The following HS3ST4 variants were observed in gnomAD, a reference collection of about 807,000 sequenced individuals.
HS3ST4 encodes heparan sulfate glucosamine 3-O-sulfotransferase 4.
Under a neutral mutation model 29.2 loss-of-function variants are expected in HS3ST4, and 17 were observed. The observed-to-expected ratio is 0.58, with a 90% CI of 0.40 to 0.87. The LOEUF (loss-of-function observed/expected upper bound fraction) is 0.87. HS3ST4 is among the 40% of genes least tolerant of loss of function. The probability of loss-of-function intolerance (pLI) is 0.00; values close to 1 mark genes in which losing one functional copy is unlikely to be tolerated. For synonymous variants in HS3ST4, 314 were observed against 285.7 expected, an observed-to-expected ratio of 1.10 and a Z score of -1.00; for missense variants, 627 against 634.5, an observed-to-expected ratio of 0.99 and a Z score of 0.13.
At chr16:26,088,538 T>C (rs1353769008) in intron 1 of HS3ST4, among the ~76,000 whole-genome samples, 1 of 152,198 alleles carries the variant, frequency 6.6e-6, no homozygotes, top group Admixed American at 6.5e-5. Flanking sequence ...TTTGTGATGA[T>C]TGATTGCAGA....
At chr16:25,919,199 A>T (rs148500627) in intron 1 of HS3ST4, among the ~76,000 whole-genome samples, 60 of 152,078 alleles carry the variant, frequency 3.9e-4, no homozygotes, top group Admixed American at 1.2e-3. Flanking sequence ...GGCTAATTTT[A>T]AAATTTTTTT....
chr16:25,951,166 A>C (rs923464873), intron 1 of HS3ST4, among the ~76,000 whole-genome samples: 1 of 152,212 alleles, frequency 6.6e-6, no homozygotes, highest in Non-Finnish European at 1.5e-5. Context: ...GAGGGGATTT[A>C]GATCAGAGGC....
chr16:25,786,538 C>T (rs1194008383), intron 1 of HS3ST4, among the ~76,000 whole-genome samples: 2 of 152,198 alleles, frequency 1.3e-5, no homozygotes, highest in Admixed American at 1.3e-4. Context: ...TAAGTGACCT[C>T]TGGATGACAG....
chr16:25,955,401 C>A (rs984193317), intron 1 of HS3ST4, among the ~76,000 whole-genome samples: 5 of 152,138 alleles, frequency 3.3e-5, no homozygotes, highest in Admixed American at 6.5e-5. Flanking sequence ...TTGGCAAGTA[C>A]CTTTTTTCTT....
At chr16:26,054,269 GGA>G (rs58364733) in intron 1 of HS3ST4, among the ~76,000 whole-genome samples, 8,146 of 133,082 alleles carry the variant, frequency 0.061, 323 homozygotes, top group Middle Eastern at 0.16. Context: ...ACAGAGAGAG[GGA>G]GAGAGAGAGA....
intron 1 of HS3ST4, among the ~76,000 whole-genome samples, chr16:26,060,039 A>G (rs1177353643): frequency 6.6e-6 from 1 of 152,158 alleles, no homozygotes; most frequent in Non-Finnish European, 1.5e-5. Flanking sequence ...CGGCCTCTCA[A>G]CATGCTGGGA....
rs1968186076 is a variant in HS3ST4 at position 25,907,000 on chromosome 16, A to G, written c.734+213849A>G. 3.9e-5 allele frequency among the ~76,000 whole-genome samples: 6 copies of G among 152,222 alleles called. No homozygotes were observed. The South Asian group carries it at 1.2e-3, about 32-fold the overall frequency. On this transcript the variant is annotated intron_variant, in intron 1 of 1. Coordinates refer to ENST00000331351, the MANE Select transcript of HS3ST4 (RefSeq NM_006040.3). The stretch of plus-strand genomic sequence containing the variant: ...GCTTGAGGCCAAGAGCTTGAGACCA[A>G]CTTGGGCAACATAGCAAGACCCTAT...
chr16:25,915,558 A>T (rs1374015762), intron 1 of HS3ST4, among the ~76,000 whole-genome samples: 1 of 152,194 alleles, frequency 6.6e-6, no homozygotes, highest in Non-Finnish European at 1.5e-5. Context: ...CCCACAAATG[A>T]TACTGAACTC....
intron 1 of HS3ST4, among the ~76,000 whole-genome samples, chr16:25,752,480 G>A (rs1966728366): frequency 6.6e-6 from 1 of 152,090 alleles, no homozygotes; most frequent in Admixed American, 6.6e-5. Context: ...GGATTTGACG[G>A]AACGGATTAT....
intron 1 of HS3ST4, among the ~76,000 whole-genome samples, chr16:25,858,001 TTTTC>T (rs1476303513): frequency 1.0e-4 from 15 of 147,890 alleles, no homozygotes; most frequent in Admixed American, 9.5e-4. Context: ...TTCTTCCTTC[TTTTC>T]TTTCTGTCTT....
At chr16:26,101,484 C>T (rs1042494972) in intron 1 of HS3ST4, among the ~76,000 whole-genome samples, 7 of 152,216 alleles carry the variant, frequency 4.6e-5, no homozygotes, top group Non-Finnish European at 7.3e-5. Flanking sequence ...GTCCATCATC[C>T]CAGTGTCCGG....
intron 1 of HS3ST4, among the ~76,000 whole-genome samples, chr16:26,051,115 C>T (rs1029236974): frequency 6.6e-6 from 1 of 152,052 alleles, no homozygotes; most frequent in Non-Finnish European, 1.5e-5. Flanking sequence ...ATGAGCCCAA[C>T]AAGCGTGCAA....
At chr16:25,973,557 C>G (rs1056282555) in intron 1 of HS3ST4, among the ~76,000 whole-genome samples, 1 of 152,186 alleles carries the variant, frequency 6.6e-6, no homozygotes, top group African/African-American at 2.4e-5. Context: ...GGAAAATAAT[C>G]ACAAGAACTC....
chr16:26,059,249 T>C (rs994508000), intron 1 of HS3ST4, among the ~76,000 whole-genome samples: 1 of 151,862 alleles, frequency 6.6e-6, no homozygotes, highest in Non-Finnish European at 1.5e-5. Flanking sequence ...TTTGGGCTGT[T>C]TTTTCCCTTC....
intron 1 of HS3ST4, among the ~76,000 whole-genome samples, chr16:25,920,777 T>C (rs1968343195): frequency 6.8e-6 from 1 of 147,144 alleles, no homozygotes; most frequent in Non-Finnish European, 1.5e-5. Context: ...GATTTTTGTG[T>C]TCTATTTTTT....
chr16:25,853,105 C>T (rs1334392549), intron 1 of HS3ST4, among the ~76,000 whole-genome samples: 1 of 152,138 alleles, frequency 6.6e-6, no homozygotes, highest in South Asian at 2.1e-4. Flanking sequence ...CTTTCACCTC[C>T]TTGGTTAAAT....
chr16:25,715,800 T>C (rs1478888185), intron 1 of HS3ST4, among the ~76,000 whole-genome samples: 1 of 152,246 alleles, frequency 6.6e-6, no homozygotes, highest in East Asian at 1.9e-4. Flanking sequence ...GGAGTCCCTC[T>C]GTCCATGATT....
chr16:26,118,478 G>T (rs1278898630), intron 1 of HS3ST4, among the ~76,000 whole-genome samples: 1 of 152,192 alleles, frequency 6.6e-6, no homozygotes, highest in Non-Finnish European at 1.5e-5. Flanking sequence ...CTGTGATGAT[G>T]AAAATAGCCT....
chr16:25,945,782 A>C (rs550354840), intron 1 of HS3ST4, among the ~76,000 whole-genome samples: 1 of 152,314 alleles, frequency 6.6e-6, no homozygotes, highest in African/African-American at 2.4e-5. Flanking sequence ...ATGTTGCCAT[A>C]ATGCCCATGT....
Sources: allele counts gnomAD v4.1 joint callset (sites outside exome capture counted in the v4.1 genomes callset), GRCh38; gene constraint gnomAD v4.1.1; transcripts MANE v1.5; gene names NCBI Gene and HGNC (gene_info 2026-07-23, HGNC 2026-07-21).